The following FGFR2 variants were observed in gnomAD, a reference collection of about 807,000 sequenced individuals.
FGFR2 encodes the protein BEK fibroblast growth factor receptor.
A neutral mutation model predicts 95.9 loss-of-function variants in FGFR2; 19 were observed. The observed-to-expected ratio is 0.20, with a 90% CI of 0.14 to 0.29. FGFR2 has a LOEUF of 0.29. FGFR2 is among the 10% of genes least tolerant of loss of function. The probability of loss-of-function intolerance (pLI) is 1.00; values close to 1 mark genes in which losing one functional copy is unlikely to be tolerated. For missense variants in FGFR2, 707 were observed against 1,056.9 expected (o/e 0.67, Z 4.59); for synonymous variants, 392 against 393.3 (o/e 1.00, Z 0.04).
At chr10:121,560,429 A>G (rs1856776261) in intron 4 of FGFR2, among the ~76,000 whole-genome samples, 2 of 151,954 alleles carry the variant, frequency 1.3e-5, no homozygotes, top group Admixed American at 1.3e-4. Flanking sequence ...TCTGGCTAAC[A>G]TGGTGGAACC....
chr10:121,572,463 T>TA (rs1564715721), intron 2 of FGFR2, among the ~76,000 whole-genome samples: 1 of 152,052 alleles, frequency 6.6e-6, no homozygotes, highest in Admixed American at 6.5e-5. Context: ...CTATTAAATA[T>TA]AAAAAATTAG....
Position 121,483,690 on chromosome 10 carries a change from G to A in FGFR2, c.2301+8C>T, listed in dbSNP as rs753406232. ...AAGGACAAGGGGCTTCTAGAAGGAA[G>A]TTCTTACCTCATTGGTTGTGAGAGT... is the stretch of plus-strand genomic sequence containing the variant. On this transcript the variant is annotated splice_region_variant and intron_variant, in intron 17 of 17. Transcript: ENST00000358487. The A allele has an allele frequency of 1.4e-5, 23 of 1,606,068 alleles. No individual in the cohort carries two copies. Among genetic ancestry groups the A allele is most frequent in the Middle Eastern group, 1.7e-4 (1 of 5,988 alleles).
chr10:121,482,532 G>C (rs934465954), intron 17 of FGFR2, among the ~76,000 whole-genome samples: 4 of 152,122 alleles, frequency 2.6e-5, no homozygotes, highest in African/African-American at 9.7e-5. Flanking sequence ...TTCTTGTTGA[G>C]ACAATTGCAT....
intron 15 of FGFR2, among the ~76,000 whole-genome samples, 179 bp downstream of exon 15, chr10:121,487,175 T>A (rs912080769): frequency 5.9e-5 from 9 of 152,228 alleles, no homozygotes; most frequent in Admixed American, 6.5e-5. Flanking sequence ...CCAGGCAGAT[T>A]AGTAACAGAG....
At chr10:121,506,715 G>C (rs116038796) in intron 9 of FGFR2, among the ~76,000 whole-genome samples, 2,974 of 152,254 alleles carry the variant, frequency 0.02, 98 homozygotes, top group Admixed American at 0.082. Context: ...GTGAGAACAA[G>C]GGCACTTAAA....
At chr10:121,528,700 G>A (rs1851704601) in intron 6 of FGFR2, among the ~76,000 whole-genome samples, 1 of 152,138 alleles carries the variant, frequency 6.6e-6, no homozygotes, top group South Asian at 2.1e-4. Flanking sequence ...CTCAGAAACT[G>A]AAAATAATCA....
At chr10:121,526,343 A>G (rs1851364042) in intron 6 of FGFR2, 1 of 396,912 alleles carries the variant, frequency 2.5e-6, no homozygotes, top group Non-Finnish European at 4.4e-6. Flanking sequence ...AGCATGAGGC[A>G]TGGTTATTAG....
intron 10 of FGFR2, among the ~76,000 whole-genome samples, chr10:121,502,145 G>A (rs1034278875): frequency 9.2e-5 from 14 of 152,162 alleles, no homozygotes; most frequent in African/African-American, 2.7e-4. Flanking sequence ...GACTAAACCC[G>A]AAAGCTGCAA....
At chr10:121,528,520 T>C (rs1382839360) in intron 6 of FGFR2, among the ~76,000 whole-genome samples, 1 of 152,230 alleles carries the variant, frequency 6.6e-6, no homozygotes, top group Non-Finnish European at 1.5e-5. Flanking sequence ...TAGAGAAGTC[T>C]AGAAAATCTA....
intron 4 of FGFR2, among the ~76,000 whole-genome samples, chr10:121,552,773 C>T (rs1855581284): frequency 6.6e-6 from 1 of 152,186 alleles, no homozygotes; most frequent in South Asian, 2.1e-4. Flanking sequence ...AAAGTAGTAA[C>T]CAAAATCCCT....
At chr10:121,596,644 T>C (rs1326173643) in intron 1 of FGFR2, 3 of 203,766 alleles carry the variant, frequency 1.5e-5, no homozygotes, top group East Asian at 1.5e-4. Flanking sequence ...CCTCAACAAA[T>C]TGAAATCTCA....
At chr10:121,575,835 A>T (rs1242268893) in intron 2 of FGFR2, among the ~76,000 whole-genome samples, 1 of 151,058 alleles carries the variant, frequency 6.6e-6, no homozygotes, top group Non-Finnish European at 1.5e-5. Flanking sequence ...CAGCCGGGTG[A>T]CAGAGCGAGA....
intron 11 of FGFR2, among the ~76,000 whole-genome samples, chr10:121,499,273 A>C (rs1234696996): frequency 6.6e-6 from 1 of 152,176 alleles, no homozygotes; most frequent in African/African-American, 2.4e-5. Context: ...GATTCTCCTA[A>C]GTGGCAAGAC....
At chr10:121,513,154 G>A (rs766891178) in intron 9 of FGFR2, among the ~76,000 whole-genome samples, 17 of 152,334 alleles carry the variant, frequency 1.1e-4, no homozygotes, top group Admixed American at 7.2e-4. Context: ...GATTACAGGC[G>A]TGAGCCACCA....
chr10:121,577,671 CTCTGGCTCT>C lies in FGFR2; in HGVS notation c.110-11976_110-11968del, dbSNP rs1396617388. On this transcript the variant is annotated intron_variant, in intron 2 of 17. Transcript: ENST00000358487. ...TCCATGGATATACCCAGAATTCTACCTCTGGCTCTTCTGGTCCTTTCCCTGCATTCCAGT... is the reference window on the plus strand; with the variant it reads ...TCCATGGATATACCCAGAATTCTACCTCTGGTCCTTTCCCTGCATTCCAGT... 3.3e-5 allele frequency among the ~76,000 whole-genome samples: 5 copies of C among 152,238 alleles called. No homozygotes were observed. In the South Asian group the frequency reaches 1.0e-3, roughly 32 times the overall value.
rs375642361 is a variant in FGFR2 at position 121,589,106 on chromosome 10, G to A, written c.109+4603C>T. Among the ~76,000 whole-genome samples the A allele has an allele frequency of 2.0e-5, 3 of 152,314 alleles. No individual in the cohort carries two copies. The East Asian group carries it at 5.8e-4, about 29-fold the overall frequency. Reference sequence around the variant, plus strand: ...TGTCCCCCTGGCGAGAATCGGACCAGTACAGTGGAGAGTAGCACACCAGCT... The same window carrying A: ...TGTCCCCCTGGCGAGAATCGGACCAATACAGTGGAGAGTAGCACACCAGCT... On this transcript the variant is annotated intron_variant, in intron 2 of 17. Transcript: ENST00000358487.
At chr10:121,556,660 G>C (rs1456576775) in intron 4 of FGFR2, among the ~76,000 whole-genome samples, 5 of 152,158 alleles carry the variant, frequency 3.3e-5, no homozygotes, top group Admixed American at 6.5e-5. Context: ...AACCACTCCA[G>C]CCTGCCCTTT....
At chr10:121,541,664 C>T (rs533741244) in intron 5 of FGFR2, among the ~76,000 whole-genome samples, 1 of 152,264 alleles carries the variant, frequency 6.6e-6, no homozygotes, top group African/African-American at 2.4e-5. Flanking sequence ...TGAAAAGATG[C>T]TTAACCTCAT....
chr10:121,572,941 T>C (rs1256690298), intron 2 of FGFR2, among the ~76,000 whole-genome samples: 1 of 152,236 alleles, frequency 6.6e-6, no homozygotes, highest in Non-Finnish European at 1.5e-5. Flanking sequence ...GGGGGAAATC[T>C]TGTAAAAGTC....
Sources: gnomAD v4.1 joint callset for allele counts (sites outside exome capture counted in the v4.1 genomes callset) on GRCh38, gnomAD v4.1.1 for gene constraint, MANE v1.5 for transcripts, NCBI Gene and HGNC (gene_info 2026-07-23, HGNC 2026-07-21) for gene names.